The following FAM151B variants were observed in gnomAD, a reference collection of about 807,000 sequenced individuals.
The protein encoded by FAM151B is family with sequence similarity 151 member B.
A neutral mutation model predicts 31.2 loss-of-function variants in FAM151B; 24 were observed. The observed-to-expected ratio is 0.77, with a 90% CI of 0.56 to 1.08. The LOEUF (loss-of-function observed/expected upper bound fraction) is 1.08. Ranked by LOEUF, FAM151B falls within the 50% of genes least tolerant of loss-of-function variation. FAM151B has a pLI of 0.00. For missense variants in FAM151B, 293 were observed against 328.6 expected, an observed-to-expected ratio of 0.89 and a Z score of 0.84; for synonymous variants, 105 against 111.4, an observed-to-expected ratio of 0.94 and a Z score of 0.36.
At chr5:80,528,736 A>AG (rs935479582) in intron 5 of FAM151B, among the ~76,000 whole-genome samples, 2 of 152,122 alleles carry the variant, frequency 1.3e-5, no homozygotes, top group African/African-American at 4.8e-5. Context: ...GTCTCAGAAA[A>AG]AAAAAAAAGG....
At chr5:80,516,403 C>T (rs1580434588) in intron 3 of FAM151B, among the ~76,000 whole-genome samples, 1 of 152,108 alleles carries the variant, frequency 6.6e-6, no homozygotes, top group East Asian at 1.9e-4. Flanking sequence ...AATTATTTTC[C>T]CTTAAACAAT....
intron 5 of FAM151B, among the ~76,000 whole-genome samples, chr5:80,538,448 C>CTTTGTTTCTT (rs1235874356): frequency 6.1e-5 from 3 of 49,348 alleles, no homozygotes; most frequent in African/African-American, 3.0e-4. Flanking sequence ...TTCTTTCTTT[C>CTTTGTTTCTT]TCTTTCTTTC....
At chr5:80,491,565 A>G (rs1743332189) in intron 1 of FAM151B, among the ~76,000 whole-genome samples, 2 of 152,120 alleles carry the variant, frequency 1.3e-5, no homozygotes, top group Non-Finnish European at 2.9e-5. Context: ...GATCTTGGGA[A>G]CTTATTCCTC....
chr5:80,538,450 CTT>C (rs1491574931), intron 5 of FAM151B, among the ~76,000 whole-genome samples: 4,391 of 69,300 alleles, frequency 0.063, 359 homozygotes, highest in Admixed American at 0.1. Flanking sequence ...CTTTCTTTCT[CTT>C]TCTTTCTTTC....
chr5:80,493,128 A>C (rs1012400820), intron 1 of FAM151B, among the ~76,000 whole-genome samples: 4 of 152,188 alleles, frequency 2.6e-5, no homozygotes, highest in Non-Finnish European at 5.9e-5. Flanking sequence ...TAAGAAAGCA[A>C]AACAGCCCTA....
intron 5 of FAM151B, among the ~76,000 whole-genome samples, chr5:80,538,461 T>C (rs1745672860): frequency 1.6e-5 from 1 of 60,736 alleles, no homozygotes; most frequent in Admixed American, 1.5e-4. Flanking sequence ...TTTCTTTCTT[T>C]CTTTCTTTCT....
rs753699675 is a variant in FAM151B, at chr5:80,501,924, C to T, written c.151+7C>T. On this transcript the variant is annotated splice_region_variant and intron_variant, in intron 2 of 5. Transcript: ENST00000282226. ...ACAAATGAGGCACTGAAAAGTAAGT[C>T]AGTACAGTTACTTGTAATTTACTTT... The T allele has an allele frequency of 2.5e-6, 4 of 1,586,058 alleles. No homozygotes were observed. In the African/African-American group the frequency reaches 5.4e-5, roughly 21 times the overall value.
intron 5 of FAM151B, among the ~76,000 whole-genome samples, chr5:80,530,542 A>C (rs1354890807): frequency 1.3e-5 from 2 of 152,240 alleles, no homozygotes; most frequent in African/African-American, 4.8e-5. Flanking sequence ...GCAAAGTCTC[A>C]AGATACAAAA....
rs567769615 is a variant in FAM151B, at chr5:80,524,282, G to A, written c.671+2144G>A. 5.3e-5 allele frequency among the ~76,000 whole-genome samples: 8 copies of A among 151,950 alleles called. No homozygotes were observed. In the East Asian group the frequency reaches 1.5e-3, roughly 29 times the overall value. ...TCAGCCCAGCCTATATTCCATTTGG[G>A]TATATTTTTTTCATTTTTGATGATG... On this transcript the variant is annotated intron_variant, in intron 5 of 5. Transcript: ENST00000282226.
chr5:80,489,044 T>G (rs2112590513), intron 1 of FAM151B, among the ~76,000 whole-genome samples: 1 of 152,302 alleles, frequency 6.6e-6, no homozygotes, highest in Non-Finnish European at 1.5e-5. Flanking sequence ...TAAACATAAT[T>G]TTTAAAATCC....
At position 80,541,841 on chromosome 5, in the gene FAM151B, T is replaced by C. The variant is rs542011842; in HGVS notation, c.*9T>C. 7.5e-6 allele frequency: 12 copies of C among 1,607,514 alleles called. No individual in the cohort carries two copies. The East Asian group carries it at 2.5e-4, about 33-fold the overall frequency. ...TCAAAGTTAATCTCTAAGAAGAAGA[T>C]TCTCAATTATTTCCTGTGTTTTGGT... On this transcript the variant is annotated 3_prime_UTR_variant, in exon 6 of 6. Transcript: ENST00000282226.
intron 5 of FAM151B, among the ~76,000 whole-genome samples, chr5:80,538,503 CTTT>C (rs1289493242): frequency 9.4e-6 from 1 of 106,486 alleles, no homozygotes. Flanking sequence ...TCCTTCCTTT[CTTT>C]TCTTTCTTTC....
At chr5:80,496,763 G>A (rs1743553178) in intron 1 of FAM151B, among the ~76,000 whole-genome samples, 1 of 149,886 alleles carries the variant, frequency 6.7e-6, no homozygotes, top group Non-Finnish European at 1.5e-5. Flanking sequence ...CGAGGGAAGA[G>A]TGGGGATGAT....
At chr5:80,509,179 A>G (rs180999271) in intron 2 of FAM151B, among the ~76,000 whole-genome samples, 22 of 150,816 alleles carry the variant, frequency 1.5e-4, no homozygotes, top group African/African-American at 4.6e-4. Flanking sequence ...AGGTCTCGCT[A>G]TGTTGCCCAG....
chr5:80,533,389 A>G (rs1231752939), intron 5 of FAM151B, among the ~76,000 whole-genome samples: 2 of 151,830 alleles, frequency 1.3e-5, no homozygotes, highest in African/African-American at 2.4e-5. Flanking sequence ...AAAACAAAAC[A>G]AAACAAAACA....
chr5:80,513,809 A>G, intron 3 of FAM151B, 40 bp downstream of exon 3: 1 of 1,562,218 alleles, frequency 6.4e-7, no homozygotes, highest in Non-Finnish European at 8.7e-7. Flanking sequence ...GGAAAAAAGT[A>G]ATAGCTGTGC....
intron 1 of FAM151B, among the ~76,000 whole-genome samples, chr5:80,497,424 A>C (rs1274341671): frequency 1.2e-4 from 18 of 151,850 alleles, no homozygotes; most frequent in South Asian, 2.1e-4. Flanking sequence ...CAAAAAAAAA[A>C]AAAAACAAAA....
rs35345817 is a variant in FAM151B, at chr5:80,526,453, CAAAAAA to C, written c.671+4327_671+4332del. On this transcript the variant is annotated intron_variant, in intron 5 of 5. Coordinates refer to ENST00000282226, the MANE Select transcript of FAM151B (RefSeq NM_205548.3). Reference sequence around the variant, plus strand: ...GTGAAACACCATCTCTACTAAAGTCCAAAAAAAAAAAAAAAAATTAGCCATGCATGA... The same window carrying C: ...GTGAAACACCATCTCTACTAAAGTCCAAAAAAAAAAATTAGCCATGCATGA... Among the ~76,000 whole-genome samples the C allele has an allele frequency of 2.4e-5, 3 of 127,038 alleles. 1 individual carries two copies. Among genetic ancestry groups the C allele is most frequent in the Admixed American group, 8.1e-5 (1 of 12,384 alleles). The allele number at this position is 127,038 out of a possible 152,430, so 83.3% of individuals were successfully genotyped here. A position where few individuals can be genotyped will look rare whatever the true frequency, so the allele number is the denominator to read the frequency against.
At chr5:80,520,045 G>T in intron 4 of FAM151B, 135 bp downstream of exon 4, 1 of 741,090 alleles carries the variant, frequency 1.3e-6, no homozygotes. Context: ...GACCCTTCAG[G>T]TATGTGCAGA....
Sources: allele counts gnomAD v4.1 joint callset (sites outside exome capture counted in the v4.1 genomes callset), GRCh38; gene constraint gnomAD v4.1.1; transcripts MANE v1.5; gene names NCBI Gene and HGNC (gene_info 2026-07-23, HGNC 2026-07-21).